The following ALK variants were observed in gnomAD, a reference collection of about 807,000 sequenced individuals.
ALK encodes ALK tyrosine kinase receptor.
In ALK, 74 loss-of-function variants were observed where a neutral mutation model predicts 163.1. That is an observed-to-expected ratio of 0.45 (90% confidence interval 0.38 to 0.55). The LOEUF is 0.55. Among genes scored for constraint, ALK ranks in the 20% least tolerant of loss-of-function variants. The probability of loss-of-function intolerance (pLI) is 0.00; values close to 1 mark genes in which losing one functional copy is unlikely to be tolerated. For missense variants in ALK, 2,063 were observed against 2,105.3 expected, an observed-to-expected ratio of 0.98 and a Z score of 0.39; for synonymous variants, 960 against 843.2, an observed-to-expected ratio of 1.14 and a Z score of -2.40.
chr2:29,574,671 A>G (rs1177736653), intron 3 of ALK, among the ~76,000 whole-genome samples: 1 of 152,220 alleles, frequency 6.6e-6, no homozygotes, highest in Admixed American at 6.5e-5. Flanking sequence ...AATGGGTACA[A>G]GTTCCCTAGA....
intron 1 of ALK, 153 bp from the exon 2 acceptor site, chr2:29,717,850 A>G: frequency 2.3e-6 from 2 of 886,120 alleles, no homozygotes; most frequent in South Asian, 1.5e-5. Context: ...CAGTAGACTG[A>G]GTTGACCTCA....
chr2:29,705,287 A>ATATATATCTCTATC (rs1553349889), intron 2 of ALK, among the ~76,000 whole-genome samples: 5 of 117,636 alleles, frequency 4.3e-5, no homozygotes, highest in African/African-American at 1.2e-4. Flanking sequence ...ATATAAATAT[A>ATATATATCTCTATC]TATCTGCTGT....
intron 3 of ALK, among the ~76,000 whole-genome samples, chr2:29,595,040 C>G (rs887376898): frequency 6.6e-6 from 1 of 152,028 alleles, no homozygotes; most frequent in South Asian, 2.1e-4. Flanking sequence ...TCTTTTTACA[C>G]GATTAAAAAC....
Position 29,921,144 on chromosome 2 carries a change from C to T in ALK, c.-485G>A, listed in dbSNP as rs1667993879. The T allele has an allele frequency of 4.2e-6, 1 of 238,408 alleles. No individual in the cohort carries two copies. The highest frequency in any genetic ancestry group is 2.2e-5 in the African/African-American group (1 of 45,482). 14.8% of individuals were successfully genotyped at this position (238,408 alleles called of 1,614,324 possible). A position where few individuals can be genotyped will look rare whatever the true frequency, so the allele number is the denominator to read the frequency against. On this transcript the variant is annotated 5_prime_UTR_variant, in exon 1 of 29. Transcript: ENST00000389048. ...AGCTGCTGCACGCTGTCCTGGCCGC[C>T]TTTTGCGTTCCTTTTGGCTCCTCCA...
intron 3 of ALK, among the ~76,000 whole-genome samples, chr2:29,538,919 AC>A (rs1448843531): frequency 5.3e-5 from 8 of 152,140 alleles, no homozygotes; most frequent in Non-Finnish European, 5.9e-5. Flanking sequence ...TCTACACCTT[AC>A]GTTTTTAACT....
chr2:29,758,412 A>T (rs1359692896), intron 1 of ALK, among the ~76,000 whole-genome samples: 1 of 152,112 alleles, frequency 6.6e-6, no homozygotes, highest in Non-Finnish European at 1.5e-5. Context: ...ATGGCACCTC[A>T]TTGACAAGCC....
At chr2:29,722,974 C>G (rs917956228) in intron 1 of ALK, among the ~76,000 whole-genome samples, 3 of 152,314 alleles carry the variant, frequency 2.0e-5, no homozygotes, top group Non-Finnish European at 4.4e-5. Flanking sequence ...CTTGATGGCT[C>G]TACCTGAATT....
At chr2:29,203,120 G>A (rs1669223400) in intron 26 of ALK, among the ~76,000 whole-genome samples, 1 of 152,130 alleles carries the variant, frequency 6.6e-6, no homozygotes, top group South Asian at 2.1e-4. Context: ...TGGGGGCCGA[G>A]GATTCGCAGT....
intron 3 of ALK, among the ~76,000 whole-genome samples, chr2:29,540,207 C>A (rs1241882000): frequency 6.6e-6 from 1 of 152,082 alleles, no homozygotes; most frequent in East Asian, 1.9e-4. Context: ...TACACAGTTT[C>A]TTTATAGGGT....
chr2:29,841,899 T>C (rs1001269717), intron 1 of ALK, among the ~76,000 whole-genome samples: 1 of 152,172 alleles, frequency 6.6e-6, no homozygotes, highest in Non-Finnish European at 1.5e-5. Flanking sequence ...TACCTCATCC[T>C]CCACTCTTAC....
At chr2:29,473,786 G>A (rs1247939395) in intron 4 of ALK, among the ~76,000 whole-genome samples, 2 of 152,140 alleles carry the variant, frequency 1.3e-5, no homozygotes, top group Admixed American at 6.6e-5. Context: ...AATCTGGGAG[G>A]CAGAAGTTGC....
At chr2:29,652,157 T>C (rs941699829) in intron 3 of ALK, among the ~76,000 whole-genome samples, 1 of 152,180 alleles carries the variant, frequency 6.6e-6, no homozygotes, top group African/African-American at 2.4e-5. Flanking sequence ...CTATTTCATC[T>C]ATATTTTTTT....
intron 4 of ALK, among the ~76,000 whole-genome samples, chr2:29,492,796 G>A (rs1284080731): frequency 6.6e-6 from 1 of 152,200 alleles, no homozygotes; most frequent in African/African-American, 2.4e-5. Context: ...CAGATTAGAC[G>A]TAGGTAACTG....
intron 1 of ALK, among the ~76,000 whole-genome samples, chr2:29,778,840 T>C (rs1341525843): frequency 1.3e-5 from 2 of 152,098 alleles, no homozygotes; most frequent in Non-Finnish European, 2.9e-5. Flanking sequence ...CGGGTTTTCC[T>C]GTCTGAGAGA....
intron 3 of ALK, among the ~76,000 whole-genome samples, chr2:29,647,728 G>A (rs1274218406): frequency 1.4e-5 from 2 of 147,318 alleles, no homozygotes; most frequent in South Asian, 4.3e-4. Context: ...GCTCAGAGAA[G>A]TGTTTCATCT....
intron 3 of ALK, among the ~76,000 whole-genome samples, chr2:29,626,686 C>G (rs542640134): frequency 6.6e-6 from 1 of 152,314 alleles, no homozygotes; most frequent in East Asian, 1.9e-4. Context: ...TGGCCATATG[C>G]AAGCCAGGAA....
intron 1 of ALK, among the ~76,000 whole-genome samples, chr2:29,802,578 GGAGGGGAAGA>G (rs1558494983): frequency 3.7e-5 from 2 of 54,034 alleles, no homozygotes; most frequent in Non-Finnish European, 4.3e-5. Context: ...GGAGGGGAGG[GGAGGGGAAGA>G]GAGGGGAGGG....
intron 3 of ALK, among the ~76,000 whole-genome samples, chr2:29,650,214 A>G (rs1677000018): frequency 6.6e-6 from 1 of 152,192 alleles, no homozygotes; most frequent in Non-Finnish European, 1.5e-5. Flanking sequence ...TGGATAGGTT[A>G]GCAGCTATAA....
intron 2 of ALK, among the ~76,000 whole-genome samples, chr2:29,716,994 TCCAAAAA>T (rs1332210526): frequency 5.1e-5 from 5 of 98,588 alleles, no homozygotes; most frequent in Non-Finnish European, 9.6e-5. Flanking sequence ...CTACCAAAAA[TCCAAAAA>T]AAAAAAAAAA....
Sources: allele counts gnomAD v4.1 joint callset (sites outside exome capture counted in the v4.1 genomes callset), GRCh38; gene constraint gnomAD v4.1.1; transcripts MANE v1.5; gene names NCBI Gene and HGNC (gene_info 2026-07-23, HGNC 2026-07-21).